XKR4: variants seen among roughly 807,000 people sequenced by gnomAD.
XKR4 encodes the protein XK-related protein 4.
A neutral mutation model predicts 53.9 loss-of-function variants in XKR4; 12 were observed. The observed-to-expected ratio is 0.22, with a 90% CI of 0.14 to 0.36. XKR4 has a LOEUF of 0.36. Ranked by LOEUF, XKR4 falls within the 10% of genes least tolerant of loss-of-function variation. XKR4 has a pLI of 1.00. For missense variants in XKR4, 799 were observed against 859.5 expected (o/e 0.93, Z 0.88); for synonymous variants, 354 against 362.4 (o/e 0.98, Z 0.26).
At chr8:55,213,856 C>CTTTTTTTTTTTTTTTTTTTTTTT (rs11433893) in intron 1 of XKR4, among the ~76,000 whole-genome samples, 5 of 82,354 alleles carry the variant, frequency 6.1e-5, no homozygotes, top group Admixed American at 1.7e-4. Flanking sequence ...TTCTTTCTTT[C>CTTTTTTTTTTTTTTTTTTTTTTT]TTTTTTTTTT....
chr8:55,417,969 C>T lies in XKR4; in HGVS notation c.1006+60092C>T, dbSNP rs148603799. Among the ~76,000 whole-genome samples, 7 of 152,168 alleles carry T rather than the reference C, an allele frequency of 4.6e-5. No homozygotes were observed. In the East Asian group the frequency reaches 1.4e-3, roughly 29 times the overall value. On this transcript the variant is annotated intron_variant, in intron 2 of 2. Coordinates refer to ENST00000327381, the MANE Select transcript of XKR4 (RefSeq NM_052898.2). ...CCACAGAAGGTGTCTTAAGGTGGAT[C>T]CCCTGAGAAAGAGACAGCGATTTGG... is the stretch of plus-strand genomic sequence containing the variant.
chr8:55,451,199 C>G (rs1257631310), intron 2 of XKR4: 1 of 559,394 alleles, frequency 1.8e-6, no homozygotes, highest in African/African-American at 1.9e-5. Context: ...GGGCCATCGC[C>G]TCTCTGCCAG....
In XKR4 at chr8:55,460,602, T is replaced by C. The variant is rs189543127; in HGVS notation, c.1007-62679T>C. Among the ~76,000 whole-genome samples the C allele has an allele frequency of 1.3e-3, 194 of 152,290 alleles. 2 individuals are homozygous for C. The highest frequency in any genetic ancestry group is 0.013 in the South Asian group (61 of 4,816). ...TGCATTTCCAACTGAGGTATCGGGTTCATCTCACTAGGGAGTGCCAGACAG... is the reference window on the plus strand; with the variant it reads ...TGCATTTCCAACTGAGGTATCGGGTCCATCTCACTAGGGAGTGCCAGACAG... On this transcript the variant is annotated intron_variant, in intron 2 of 2. Transcript: ENST00000327381.
chr8:55,490,234 A>G (rs1041038867), intron 2 of XKR4, among the ~76,000 whole-genome samples: 7 of 152,218 alleles, frequency 4.6e-5, no homozygotes, highest in Non-Finnish European at 7.3e-5. Context: ...ATGGAATACT[A>G]TGCAGCCATA....
At chr8:55,164,638 A>AT (rs1242878911) in intron 1 of XKR4, 1 of 310,692 alleles carries the variant, frequency 3.2e-6, no homozygotes, top group East Asian at 7.9e-5. Flanking sequence ...AGCATGGGCA[A>AT]TTTTCCACAC....
rs567775689 is a variant in XKR4, at chr8:55,436,967, G to T, written c.1006+79090G>T. Among the ~76,000 whole-genome samples, 30 of 152,258 alleles carry T rather than the reference G, an allele frequency of 2.0e-4. No individual in the cohort carries two copies. The South Asian group carries it at 2.5e-3, about 13-fold the overall frequency. On this transcript the variant is annotated intron_variant, in intron 2 of 2. Coordinates refer to ENST00000327381, the MANE Select transcript of XKR4 (RefSeq NM_052898.2). ...GTTACTTCCATTGTTAGTTCTGCCCGATCGAGTTTTCTAAACAAGGAAATC... is the reference window on the plus strand; with the variant it reads ...GTTACTTCCATTGTTAGTTCTGCCCTATCGAGTTTTCTAAACAAGGAAATC...
Position 55,452,336 on chromosome 8 carries a change from C to G in XKR4, c.1007-70945C>G, listed in dbSNP as rs191192877. 4.8e-4 allele frequency: 305 copies of G among 634,532 alleles called. 3 individuals carry two copies. The African/African-American group carries it at 4.9e-3, about 10-fold the overall frequency. 39.3% of individuals were successfully genotyped at this position (634,532 alleles called of 1,614,324 possible). A position where few individuals can be genotyped will look rare whatever the true frequency, so the allele number is the denominator to read the frequency against. On this transcript the variant is annotated intron_variant, in intron 2 of 2. Transcript: ENST00000327381. ...CCACCGGGAAGGAGCGGAACACCAC[C>G]TTCTCCCCCACCAGGGGGTCTGTGA...
At chr8:55,214,163 G>A (rs1030263262) in intron 1 of XKR4, among the ~76,000 whole-genome samples, 13 of 151,930 alleles carry the variant, frequency 8.6e-5, no homozygotes, top group African/African-American at 2.7e-4. Context: ...GCACCCAGCT[G>A]TTTAGTACTT....
At chr8:55,229,115 C>T (rs1014316649) in intron 1 of XKR4, among the ~76,000 whole-genome samples, 5 of 152,248 alleles carry the variant, frequency 3.3e-5, no homozygotes, top group African/African-American at 1.2e-4. Context: ...TTCCCAAACC[C>T]AGCCTACCTG....
chr8:55,414,229 T>C (rs1303274809), intron 2 of XKR4, among the ~76,000 whole-genome samples: 1 of 152,168 alleles, frequency 6.6e-6, no homozygotes, highest in East Asian at 1.9e-4. Flanking sequence ...TTGTCTAACA[T>C]CAAGTTGCCT....
chr8:55,255,797 C>A (rs368400308), intron 1 of XKR4, among the ~76,000 whole-genome samples: 1 of 152,056 alleles, frequency 6.6e-6, no homozygotes, highest in Non-Finnish European at 1.5e-5. Context: ...CTGTGATAGA[C>A]AAATTGCCTG....
At chr8:55,343,103 C>T (rs902563982) in intron 1 of XKR4, among the ~76,000 whole-genome samples, 3 of 152,116 alleles carry the variant, frequency 2.0e-5, no homozygotes, top group Non-Finnish European at 4.4e-5. Context: ...AAACTTTTCT[C>T]GAGAAGGGCT....
At chr8:55,116,380 A>G (rs1251243888) in intron 1 of XKR4, among the ~76,000 whole-genome samples, 1 of 152,162 alleles carries the variant, frequency 6.6e-6, no homozygotes, top group Non-Finnish European at 1.5e-5. Context: ...TCTGGTGAAC[A>G]ACCTGCTCCC....
chr8:55,335,254 G>A (rs1417721251), intron 1 of XKR4, among the ~76,000 whole-genome samples: 1 of 152,038 alleles, frequency 6.6e-6, no homozygotes, highest in Non-Finnish European at 1.5e-5. Context: ...ATTATTTGTG[G>A]GGTGCATATA....
Position 55,528,057 on chromosome 8 carries a change from G to A in XKR4, c.*3830G>A, listed in dbSNP as rs959976434. 2 of 152,078 alleles carry A rather than the reference G, an allele frequency of 1.3e-5. No individual in the cohort carries two copies. The highest frequency in any genetic ancestry group is 2.9e-5 in the Non-Finnish European group (2 of 68,014). The allele number at this position is 152,078 out of a possible 1,614,324, so 9.4% of individuals were successfully genotyped here. On this transcript the variant is annotated 3_prime_UTR_variant, in exon 3 of 3. Transcript: ENST00000327381. ...AAGTAACAGAGATGAAAAGGATAAA[G>A]TATATACTGCTTTTGAATGTATATA...
intron 2 of XKR4, among the ~76,000 whole-genome samples, chr8:55,406,918 AT>A (rs776827977): frequency 6.0e-4 from 91 of 152,222 alleles, no homozygotes; most frequent in Admixed American, 2.0e-3. Context: ...TAGCTAACAT[AT>A]TCAATAAGTA....
chr8:55,159,034 A>G (rs918799022), intron 1 of XKR4, among the ~76,000 whole-genome samples: 1 of 152,070 alleles, frequency 6.6e-6, no homozygotes, highest in African/African-American at 2.4e-5. Context: ...TGGTAGTTTG[A>G]TAGGAATAGC....
In XKR4 at chr8:55,289,794, A is replaced by G. The variant is rs111726798; in HGVS notation, c.807-67884A>G. Among the ~76,000 whole-genome samples the G allele has an allele frequency of 3.0e-3, 451 of 149,192 alleles. 4 individuals carry two copies. The highest frequency in any genetic ancestry group is 4.5e-3 in the Non-Finnish European group (305 of 67,366). ...AAGAGAAAGAGAGGGAGGGGGAGAG[A>G]GAGAGAGAAAGAAAGGAAAGAAAGA... On this transcript the variant is annotated intron_variant, in intron 1 of 2. Transcript: ENST00000327381.
At chr8:55,137,841 G>C (rs756130782) in intron 1 of XKR4, among the ~76,000 whole-genome samples, 2 of 151,890 alleles carry the variant, frequency 1.3e-5, no homozygotes, top group Non-Finnish European at 2.9e-5. Context: ...CAAAGTGCTA[G>C]GATTACAGAT....
Sources: allele counts gnomAD v4.1 joint callset (sites outside exome capture counted in the v4.1 genomes callset), GRCh38; gene constraint gnomAD v4.1.1; transcripts MANE v1.5; gene names NCBI Gene and HGNC (gene_info 2026-07-23, HGNC 2026-07-21).